SLC9A3: variants seen among roughly 807,000 people sequenced by gnomAD.
SLC9A3 encodes the protein sodium/hydrogen exchanger 3.
Under a neutral mutation model 86.8 loss-of-function variants are expected in SLC9A3, and 37 were observed. The observed-to-expected ratio is 0.43, with a 90% CI of 0.33 to 0.56. The LOEUF is 0.56. SLC9A3 is among the 20% of genes least tolerant of loss of function. The probability of loss-of-function intolerance (pLI) is 0.06; values close to 1 mark genes in which losing one functional copy is unlikely to be tolerated. For synonymous variants in SLC9A3, 581 were observed against 528.3 expected (o/e 1.10, Z -1.37); for missense variants, 1,011 against 1,171.9 (o/e 0.86, Z 2.00).
chr5:471,567 A>G lies in SLC9A3; in HGVS notation c.*1812T>C. On this transcript the variant is annotated 3_prime_UTR_variant, in exon 17 of 17. Coordinates refer to ENST00000264938, the MANE Select transcript of SLC9A3 (RefSeq NM_004174.4). Reference sequence around the variant, plus strand: ...CCGGCCTGCTCCGATGAACGTCAGGACGGTGGCTGCAGCAGGGAACCAGGG... The same window carrying G: ...CCGGCCTGCTCCGATGAACGTCAGGGCGGTGGCTGCAGCAGGGAACCAGGG... The G allele has an allele frequency of 2.8e-6, 1 of 357,174 alleles. No individual in the cohort carries two copies. Among genetic ancestry groups the G allele is most frequent in the Non-Finnish European group, 5.5e-6 (1 of 181,238 alleles). The allele number at this position is 357,174 out of a possible 1,614,324, so 22.1% of individuals were successfully genotyped here. A position where few individuals can be genotyped will look rare whatever the true frequency, so the allele number is the denominator to read the frequency against.
chr5:518,094 G>A (rs550573804), intron 1 of SLC9A3, among the ~76,000 whole-genome samples: 1 of 152,366 alleles, frequency 6.6e-6, no homozygotes, highest in South Asian at 2.1e-4. Flanking sequence ...AGGCACTGGG[G>A]ACACAGGAGG....
At position 482,099 on chromosome 5, in the gene SLC9A3, TC is replaced by T; in HGVS notation, c.1414del (p.Glu472AsnfsTer49). The T allele has an allele frequency of 6.2e-7, 1 of 1,601,290 alleles. No homozygotes were observed. The highest frequency in any genetic ancestry group is 8.5e-7 in the Non-Finnish European group (1 of 1,174,670). On this transcript the variant is annotated frameshift_variant, in exon 8 of 17. Coordinates refer to ENST00000264938, the MANE Select transcript of SLC9A3 (RefSeq NM_004174.4). LOFTEE classifies it high-confidence loss of function. ...WLKVKRSEHR[E>X]PRLNEKLHGR... Reference sequence around the variant, plus strand: ...GTGCAGCTTCTCGTTGAGCCGAGGTTCCCGGTGCTCGCTCCTCTTCACCTTC... The same window carrying T: ...GTGCAGCTTCTCGTTGAGCCGAGGTTCCGGTGCTCGCTCCTCTTCACCTTC...
chr5:488,142 A>T (rs997928814), intron 3 of SLC9A3, among the ~76,000 whole-genome samples, 174 bp downstream of exon 3: 7 of 152,238 alleles, frequency 4.6e-5, no homozygotes, highest in Non-Finnish European at 8.8e-5. Context: ...GCCTCGCGAA[A>T]GCTGCCAGTC....
In SLC9A3 at chr5:471,273, G is replaced by A. The variant is rs1316108648; in HGVS notation, c.*2106C>T. On this transcript the variant is annotated 3_prime_UTR_variant, in exon 17 of 17. Coordinates refer to ENST00000264938, the MANE Select transcript of SLC9A3 (RefSeq NM_004174.4). ...CGGGTGTCCAGGGAGGAGCGATCGG[G>A]AGTGGCCAAGCAGTTGCCTGGACTC... The A allele has an allele frequency of 6.0e-6, 1 of 166,934 alleles. No individual in the cohort carries two copies. The highest frequency in any genetic ancestry group is 2.4e-5 in the African/African-American group (1 of 41,744). The allele number at this position is 166,934 out of a possible 1,614,324, so 10.3% of individuals were successfully genotyped here.
At position 475,830 on chromosome 5, in the gene SLC9A3, A is replaced by C. The variant is rs554631775; in HGVS notation, c.2141-159T>G. On this transcript the variant is annotated intron_variant, in intron 14 of 16. Coordinates refer to ENST00000264938, the MANE Select transcript of SLC9A3 (RefSeq NM_004174.4). ...GGGCTGGAGGAGGGACCCCACTTAG[A>C]GGGCAGTGTCCCTGGAACCCCATCC... 1.4e-3 allele frequency among the ~76,000 whole-genome samples: 207 copies of C among 151,960 alleles called. 1 individual carries two copies. Among genetic ancestry groups the C allele is most frequent in the Non-Finnish European group, 1.2e-4 (8 of 67,916 alleles).
At chr5:523,176 G>A (rs889023558) in intron 1 of SLC9A3, among the ~76,000 whole-genome samples, 1 of 152,192 alleles carries the variant, frequency 6.6e-6, no homozygotes, top group Non-Finnish European at 1.5e-5. Context: ...TGAAGGAAAA[G>A]GCGCCTTCTC....
At position 484,538 on chromosome 5, in the gene SLC9A3, G is replaced by T. The variant is rs1456737648; in HGVS notation, c.914C>A (p.Ser305Ter). ...YLSYLTSEML[S>*]LSAILAITFC... Reference sequence around the variant, plus strand: ...GACTCACGCGAGGATGGCCGACAGCGACAGCATCTCGGACGTCAGGTAGGA... The same window carrying T: ...GACTCACGCGAGGATGGCCGACAGCTACAGCATCTCGGACGTCAGGTAGGA... The change falls in exon 5 of 17, where the codon TCG (serine) becomes TAG (stop). Residue 305 changes from serine to a stop codon, truncating the protein, a stop_gained. Coordinates refer to ENST00000264938, the MANE Select transcript of SLC9A3 (RefSeq NM_004174.4). LOFTEE classifies it high-confidence loss of function. 6.2e-7 allele frequency: 1 copy of T among 1,613,036 alleles called. No homozygotes were observed. Among genetic ancestry groups the T allele is most frequent in the Non-Finnish European group, 8.5e-7 (1 of 1,179,964 alleles).
At position 472,628 on chromosome 5, in the gene SLC9A3, A is replaced by C. The variant is rs1026116170; in HGVS notation, c.*751T>G. 2.2e-6 allele frequency: 1 copy of C among 445,564 alleles called. No homozygotes were observed. Among genetic ancestry groups the C allele is most frequent in the Non-Finnish European group, 4.4e-6 (1 of 224,744 alleles). 27.6% of individuals were successfully genotyped at this position (445,564 alleles called of 1,614,324 possible). On this transcript the variant is annotated 3_prime_UTR_variant, in exon 17 of 17. Transcript: ENST00000264938. ...AAACGGGGCAGGTACTGGCTTTAGG[A>C]GTCTAAATCCCCAAACGCTGAGCAG...
chr5:506,104 C>T (rs963248581), intron 1 of SLC9A3, among the ~76,000 whole-genome samples: 4 of 152,070 alleles, frequency 2.6e-5, no homozygotes, highest in Non-Finnish European at 5.9e-5. Flanking sequence ...GGCAGCTTCC[C>T]AAGCCTGTTA....
Position 491,989 on chromosome 5 carries a change from G to T in SLC9A3, c.294C>A (p.Ile98=). ...LIVLGLVLGG[I]VWAADHIASF... ...ACGCGATGTGGTCGGCCGCCCAGAC[G>T]ATGCCGCCCAGCACCAGGCCCAGCA... Residue 98 remains isoleucine (I), a synonymous_variant, in exon 2 of 17, where the codon ATC becomes ATA. Coordinates refer to ENST00000264938, the MANE Select transcript of SLC9A3 (RefSeq NM_004174.4). The surrounding 1 kb of genome is among the most constrained non-coding windows in gnomAD (Gnocchi z 9.2). 6.2e-7 allele frequency: 1 copy of T among 1,602,268 alleles called. No homozygotes were observed. Among genetic ancestry groups the T allele is most frequent in the South Asian group, 1.1e-5 (1 of 89,614 alleles).
Position 475,542 on chromosome 5 carries a change from G to T in SLC9A3, c.2251+19C>A. 6.9e-7 allele frequency: 1 copy of T among 1,458,510 alleles called. No homozygotes were observed. Among genetic ancestry groups the T allele is most frequent in the Non-Finnish European group, 9.4e-7 (1 of 1,062,698 alleles). 90.3% of individuals were successfully genotyped at this position (1,458,510 alleles called of 1,614,324 possible). ...GAGCCACCCCTCCCTTAGCCACGACGCCTGTGCCCCGTCCCCACCTGCAGG... is the reference window on the plus strand; with the variant it reads ...GAGCCACCCCTCCCTTAGCCACGACTCCTGTGCCCCGTCCCCACCTGCAGG... On this transcript the variant is annotated intron_variant, in intron 15 of 16. Coordinates refer to ENST00000264938, the MANE Select transcript of SLC9A3 (RefSeq NM_004174.4).
chr5:498,004 C>T (rs1415021292), intron 1 of SLC9A3, among the ~76,000 whole-genome samples: 3 of 152,218 alleles, frequency 2.0e-5, no homozygotes, highest in African/African-American at 7.2e-5. Flanking sequence ...TCACGGATGC[C>T]GGCCTCCTGC....
intron 1 of SLC9A3, among the ~76,000 whole-genome samples, chr5:509,080 C>T (rs549579582): frequency 1.9e-4 from 28 of 151,130 alleles, no homozygotes; most frequent in African/African-American, 5.8e-4. Flanking sequence ...TGCATTCCAG[C>T]CTGGGTGATA....
chr5:482,776 G>C, intron 6 of SLC9A3, 26 bp from the exon 7 acceptor site: 1 of 1,559,352 alleles, frequency 6.4e-7, no homozygotes, highest in Non-Finnish European at 8.7e-7. Flanking sequence ...CGGGCACTCA[G>C]CTCCCCGGCC....
At chr5:508,038 C>G (rs544022212) in intron 1 of SLC9A3, among the ~76,000 whole-genome samples, 1 of 152,352 alleles carries the variant, frequency 6.6e-6, no homozygotes, top group South Asian at 2.1e-4. Flanking sequence ...CACCCACACC[C>G]ATGTGGCTCC....
chr5:501,843 C>T (rs1183148126), intron 1 of SLC9A3, among the ~76,000 whole-genome samples: 11 of 152,290 alleles, frequency 7.2e-5, no homozygotes, highest in South Asian at 4.1e-4. Context: ...TGACCCCACG[C>T]GTCCCTGCCT....
rs777662525 is a variant in SLC9A3 at position 471,795 on chromosome 5, A to G, written c.*1584T>C. 4.4e-6 allele frequency: 2 copies of G among 456,598 alleles called. No individual in the cohort carries two copies. The highest frequency in any genetic ancestry group is 3.1e-5 in the South Asian group (2 of 64,572). 28.3% of individuals were successfully genotyped at this position (456,598 alleles called of 1,614,324 possible). Reference sequence around the variant, plus strand: ...CGAGAGCTTCTCCGAAGCAGCGGTCATGCAGGCTTTTGTGTGGCTGACGCT... The same window carrying G: ...CGAGAGCTTCTCCGAAGCAGCGGTCGTGCAGGCTTTTGTGTGGCTGACGCT... On this transcript the variant is annotated 3_prime_UTR_variant, in exon 17 of 17. Coordinates refer to ENST00000264938, the MANE Select transcript of SLC9A3 (RefSeq NM_004174.4).
chr5:501,490 C>T (rs945787857), intron 1 of SLC9A3, among the ~76,000 whole-genome samples: 10 of 152,322 alleles, frequency 6.6e-5, no homozygotes, highest in African/African-American at 2.2e-4. Flanking sequence ...CCCACCCTCC[C>T]GGGGGACGAG....
At chr5:485,715 CGGCCGAG>C (rs1472579297) in intron 3 of SLC9A3, among the ~76,000 whole-genome samples, 4 of 152,256 alleles carry the variant, frequency 2.6e-5, no homozygotes, top group Non-Finnish European at 2.9e-5. Context: ...CAGGTGAGAC[CGGCCGAG>C]GGCCGTCCTG....
Sources: allele counts gnomAD v4.1 joint callset (sites outside exome capture counted in the v4.1 genomes callset), GRCh38; gene constraint gnomAD v4.1.1; non-coding constraint Gnocchi (gnomAD v3.1); transcripts MANE v1.5; gene names NCBI Gene and HGNC (gene_info 2026-07-23, HGNC 2026-07-21).